Variants in DLG5 observed in about 807,000 individuals in gnomAD.
The protein encoded by DLG5 is discs large MAGUK scaffold protein 5.
DLG5 carries 48 observed loss-of-function variants against 189.8 expected under a neutral mutation model. The ratio of observed to expected loss-of-function variants is 0.25; its 90% CI spans 0.20 to 0.32. The LOEUF is 0.32. Ranked by LOEUF, DLG5 falls within the 10% of genes least tolerant of loss-of-function variation. The pLI, the probability that DLG5 is intolerant of heterozygous loss-of-function variation, is 1.00. For synonymous variants in DLG5, 1,016 were observed against 1,054.1 expected (o/e 0.96, Z 0.70); for missense variants, 2,160 against 2,544.7 (o/e 0.85, Z 3.25).
Position 77,926,628 on chromosome 10 carries a change from T to A in DLG5, c.-108A>T. On this transcript the variant is annotated 5_prime_UTR_variant, in exon 1 of 32. Coordinates refer to ENST00000372391, the MANE Select transcript of DLG5 (RefSeq NM_004747.4). The surrounding 1 kb of genome is among the most constrained non-coding windows in gnomAD (Gnocchi z 5.2). Reference sequence around the variant, plus strand: ...AGCAGCCCTAGGGCGCCGGGAGCCGTGAGGCGGCGGGAGCCATGGGCCGGG... The same window carrying A: ...AGCAGCCCTAGGGCGCCGGGAGCCGAGAGGCGGCGGGAGCCATGGGCCGGG... 1.1e-6 allele frequency: 1 copy of A among 885,636 alleles called. No individual in the cohort carries two copies. Among genetic ancestry groups the A allele is most frequent in the Non-Finnish European group, 1.4e-6 (1 of 719,836 alleles). The allele number at this position is 885,636 out of a possible 1,614,324, so 54.9% of individuals were successfully genotyped here.
chr10:77,821,269 C>A lies in DLG5; in HGVS notation c.3215G>T (p.Arg1072Leu). ...HASPPRKARV[R>L]IASSYYPEGD... ...TTCAGGGTAGTAGCTGGAAGCAATG[C>A]GGACCCTGGCCTTGCGAGGGGGTGA... The change falls in exon 15 of 32, where the codon CGC (arginine) becomes CTC (leucine). Residue 1072 changes from arginine to leucine, a missense_variant. Arg to Leu is a moderately radical substitution (Grantham distance 102). Around this residue, in one of 5 missense-constraint regions of DLG5, gnomAD observed 754 missense variants for 746.5 expected, o/e 1.01. Transcript: ENST00000372391. 1 of 1,613,852 alleles carries A rather than the reference C, an allele frequency of 6.2e-7. No individual in the cohort carries two copies.
intron 13 of DLG5, 41 bp downstream of exon 13, chr10:77,828,841 T>C (rs1293379388): frequency 1.3e-6 from 2 of 1,592,892 alleles, no homozygotes; most frequent in African/African-American, 2.7e-5. Context: ...GTAATCTGCC[T>C]ATGCACGGCA....
the DLG5 span, among the ~76,000 whole-genome samples, chr10:77,940,714 C>T: frequency 2.0e-5 from 3 of 152,192 alleles, no homozygotes; most frequent in African/African-American, 7.2e-5. Context: ...CAGTCTTGCT[C>T]TCTGGTTTCC....
At chr10:77,842,737 G>A (rs1347744087) in intron 6 of DLG5, among the ~76,000 whole-genome samples, 2 of 152,170 alleles carry the variant, frequency 1.3e-5, no homozygotes, top group Non-Finnish European at 2.9e-5. Context: ...TCTGCATGGA[G>A]CTCCATTACC....
At chr10:77,836,256 A>G (rs1277537857) in intron 7 of DLG5, among the ~76,000 whole-genome samples, 1 of 152,186 alleles carries the variant, frequency 6.6e-6, no homozygotes, top group African/African-American at 2.4e-5. Flanking sequence ...TTGCATCTTG[A>G]CACATCCCTA....
chr10:77,868,232 T>C (rs1376403417), intron 2 of DLG5: 1 of 407,026 alleles, frequency 2.5e-6, no homozygotes, highest in African/African-American at 2.0e-5. Flanking sequence ...CTGGTCACTG[T>C]CTTCCCTCTT....
chr10:77,834,145 C>A, intron 8 of DLG5, 106 bp from the exon 9 acceptor site: 1 of 1,421,950 alleles, frequency 7.0e-7, no homozygotes. Context: ...CCTGCCGGCA[C>A]CTATCCCATC....
chr10:77,882,034 C>T (rs371752984), intron 1 of DLG5, among the ~76,000 whole-genome samples: 2 of 152,372 alleles, frequency 1.3e-5, no homozygotes, highest in South Asian at 4.1e-4. Context: ...ACTTCGTGGG[C>T]TGCATTGAGA....
chr10:77,819,581 G>A, intron 16 of DLG5, 116 bp from the exon 17 acceptor site: 1 of 1,371,438 alleles, frequency 7.3e-7, no homozygotes, highest in Non-Finnish European at 9.7e-7. Context: ...AAAAGGACTT[G>A]GGAGATGAGT....
chr10:77,827,369 G>T (rs957216723), intron 13 of DLG5, among the ~76,000 whole-genome samples: 1 of 152,018 alleles, frequency 6.6e-6, no homozygotes, highest in African/African-American at 2.4e-5. Flanking sequence ...GGGATTACAG[G>T]CACCCACCAC....
intron 1 of DLG5, among the ~76,000 whole-genome samples, chr10:77,885,791 T>C (rs1845418763): frequency 6.6e-6 from 1 of 152,196 alleles, no homozygotes. Context: ...CCCTCTACCG[T>C]CCAGCCCTGA....
intron 1 of DLG5, among the ~76,000 whole-genome samples, chr10:77,904,484 C>T (rs116860840): frequency 0.016 from 2,380 of 152,152 alleles, 28 homozygotes; most frequent in Admixed American, 0.023. Context: ...TTGGCTGTGT[C>T]CCTATTCAAA....
At chr10:77,896,871 C>T (rs2559667) in intron 1 of DLG5, among the ~76,000 whole-genome samples, 7 of 151,798 alleles carry the variant, frequency 4.6e-5, no homozygotes, top group South Asian at 4.2e-4. Context: ...GTCTCGGTGA[C>T]GACTAAACAA....
chr10:77,932,711 G>T, the DLG5 span, among the ~76,000 whole-genome samples: 2 of 152,158 alleles, frequency 1.3e-5, no homozygotes, highest in African/African-American at 2.4e-5. Flanking sequence ...GAAATGGGTG[G>T]CAGGTTGGGA....
chr10:77,921,485 A>G (rs1846532689), intron 1 of DLG5, among the ~76,000 whole-genome samples: 2 of 152,184 alleles, frequency 1.3e-5, no homozygotes, highest in Admixed American at 1.3e-4. Flanking sequence ...ACAGTGTACA[A>G]TGCCTAAATT....
chr10:77,868,393 T>C (rs1844772859), intron 2 of DLG5: 1 of 344,836 alleles, frequency 2.9e-6, no homozygotes, highest in Non-Finnish European at 5.7e-6. Flanking sequence ...AGATGTGAGC[T>C]GACATATGAA....
At chr10:77,849,467 C>T (rs922694265) in intron 5 of DLG5, among the ~76,000 whole-genome samples, 4 of 152,252 alleles carry the variant, frequency 2.6e-5, no homozygotes, top group Admixed American at 6.5e-5. Context: ...GATGCCAGGA[C>T]GCGGGGCTGG....
chr10:77,803,044 C>T (rs1406027165), intron 27 of DLG5, among the ~76,000 whole-genome samples: 1 of 152,194 alleles, frequency 6.6e-6, no homozygotes, highest in East Asian at 1.9e-4. Context: ...AAGGTGCACA[C>T]TGTGAGGTCT....
chr10:77,816,394 GC>G (rs1373046814), intron 20 of DLG5, among the ~76,000 whole-genome samples, 156 bp downstream of exon 20: 1 of 152,208 alleles, frequency 6.6e-6, no homozygotes, highest in African/African-American at 2.4e-5. Context: ...TGCATCCAGT[GC>G]CCCATGGCAC....
Sources: gnomAD v4.1 joint callset for allele counts (sites outside exome capture counted in the v4.1 genomes callset) on GRCh38, gnomAD v4.1.1 for gene constraint, gnomAD v4.1.1 regional missense constraint, Gnocchi (gnomAD v3.1) non-coding constraint, MANE v1.5 for transcripts, NCBI Gene and HGNC (gene_info 2026-07-23, HGNC 2026-07-21) for gene names.